The following PTPA variants were observed in gnomAD, a reference collection of about 807,000 sequenced individuals.
PTPA encodes the protein serine/threonine-protein phosphatase 2A activator.
In PTPA, 13 loss-of-function variants were observed where a neutral mutation model predicts 43.6. The observed-to-expected ratio is 0.30, with a 90% CI of 0.19 to 0.47. The LOEUF (loss-of-function observed/expected upper bound fraction) is 0.47. PTPA is among the 20% of genes least tolerant of loss of function. The pLI is 0.99. For synonymous variants in PTPA, 172 were observed against 158.2 expected (o/e 1.09, Z -0.66); for missense variants, 329 against 411.9 (o/e 0.80, Z 1.74).
chr9:129,131,774 A>G, intron 5 of PTPA, 135 bp downstream of exon 5: 2 of 860,018 alleles, frequency 2.3e-6, no homozygotes, highest in East Asian at 2.5e-5. Context: ...TATTGGGGCC[A>G]GCTGGGGTTA....
At chr9:129,145,394 C>T (rs79544932) in intron 9 of PTPA, among the ~76,000 whole-genome samples, 3,527 of 152,252 alleles carry the variant, frequency 0.023, 130 homozygotes, top group Admixed American at 0.1. Flanking sequence ...AACTTACTAG[C>T]AACTAGCCCT....
At chr9:129,129,251 A>T (rs1049990647) in intron 4 of PTPA, 141 bp downstream of exon 4, 1 of 1,232,328 alleles carries the variant, frequency 8.1e-7, no homozygotes, top group African/African-American at 1.5e-5. Context: ...TCACTTAGCA[A>T]AATTACAAAT....
intron 5 of PTPA, 108 bp downstream of exon 5, chr9:129,131,747 G>C: frequency 8.9e-7 from 1 of 1,118,746 alleles, no homozygotes; most frequent in African/African-American, 1.5e-5. Context: ...TCAAGAATTC[G>C]CCAAGCACCT....
chr9:129,131,584 G>A lies in PTPA; in HGVS notation c.405G>A (p.Val135=), dbSNP rs770993792. 1.5e-5 allele frequency: 24 copies of A among 1,614,046 alleles called. No homozygotes were observed. In the South Asian group the frequency reaches 2.4e-4, roughly 16 times the overall value. ...PTHLAAAVPE[V]AVYLKESVGN... is the part of the protein sequence containing the mutation. Reference sequence around the variant, plus strand: ...ATCTGGCAGCTGCTGTGCCTGAGGTGGCTGTTTACCTAAAGGAGTCAGTGG... The same window carrying A: ...ATCTGGCAGCTGCTGTGCCTGAGGTAGCTGTTTACCTAAAGGAGTCAGTGG... Residue 135 remains valine, a synonymous_variant, in exon 5 of 10, where the codon GTG becomes GTA. Transcript: ENST00000393370.
intron 6 of PTPA, among the ~76,000 whole-genome samples, chr9:129,135,633 C>T (rs1850316317): frequency 6.6e-6 from 1 of 152,272 alleles, no homozygotes; most frequent in African/African-American, 2.4e-5. Context: ...CCCCACACCA[C>T]CCAAGCCAGT....
intron 1 of PTPA, among the ~76,000 whole-genome samples, chr9:129,117,751 GC>G (rs1199203586): frequency 6.8e-6 from 1 of 147,598 alleles, no homozygotes; most frequent in Non-Finnish European, 1.5e-5. Context: ...AGGCTGGAGT[GC>G]AGTGGAACGG....
At chr9:129,120,439 A>AAC in intron 1 of PTPA, 74 bp from the exon 2 acceptor site, 1 of 928,460 alleles carries the variant, frequency 1.1e-6, no homozygotes, top group African/African-American at 1.7e-5. Flanking sequence ...AAAAAAAAAA[A>AAC]GGTGAAAGGG....
intron 3 of PTPA, among the ~76,000 whole-genome samples, chr9:129,124,926 C>T (rs1849480460): frequency 6.6e-6 from 1 of 152,228 alleles, no homozygotes; most frequent in Non-Finnish European, 1.5e-5. Flanking sequence ...TATTAGGTGA[C>T]CTAGGTCCTG....
In PTPA at chr9:129,143,636, G is replaced by C. The variant is rs10988228; in HGVS notation, c.894+1084G>C. The C allele has an allele frequency of 3.5e-3, 1,964 of 562,262 alleles. 28 individuals carry two copies. The highest frequency in any genetic ancestry group is 0.033 in the African/African-American group (1,748 of 53,288). The allele number at this position is 562,262 out of a possible 1,614,324, so 34.8% of individuals were successfully genotyped here. Reference sequence around the variant, plus strand: ...TAATGAGGCTTGAACTGAACAGACCGGGCCCTCACTCCCTTCCGCCCCCTC... The same window carrying C: ...TAATGAGGCTTGAACTGAACAGACCCGGCCCTCACTCCCTTCCGCCCCCTC... On this transcript the variant is annotated intron_variant, in intron 9 of 9. Coordinates refer to ENST00000393370, the MANE Select transcript of PTPA (RefSeq NM_178000.3).
Position 129,147,809 on chromosome 9 carries a change from G to A in PTPA, c.*345G>A. ...TTTTGAGAGCAGGGGCTGTTCTGCAGCACCGCAGGGAAGGGAGGAGAGATA... is the reference window on the plus strand; with the variant it reads ...TTTTGAGAGCAGGGGCTGTTCTGCAACACCGCAGGGAAGGGAGGAGAGATA... On this transcript the variant is annotated 3_prime_UTR_variant, in exon 10 of 10. Transcript: ENST00000393370. 3.2e-6 allele frequency: 1 copy of A among 307,966 alleles called. No homozygotes were observed. The highest frequency in any genetic ancestry group is 6.2e-6 in the Non-Finnish European group (1 of 160,090). 19.1% of individuals were successfully genotyped at this position (307,966 alleles called of 1,614,324 possible).
intron 1 of PTPA, among the ~76,000 whole-genome samples, chr9:129,114,214 G>C (rs1422820862): frequency 6.6e-6 from 1 of 152,126 alleles, no homozygotes; most frequent in Non-Finnish European, 1.5e-5. Context: ...GTAGAGATGG[G>C]ATTTCGCCGT....
chr9:129,131,770 G>T (rs533081664), intron 5 of PTPA, 131 bp downstream of exon 5: 2 of 876,208 alleles, frequency 2.3e-6, no homozygotes, highest in African/African-American at 3.3e-5. Context: ...AACCTATTGG[G>T]GCCAGCTGGG....
At chr9:129,143,613 A>T (rs1851064046) in intron 9 of PTPA, 1 of 607,188 alleles carries the variant, frequency 1.6e-6, no homozygotes, top group Admixed American at 2.8e-5. Flanking sequence ...GAAGGGGTTA[A>T]TGAGGCTTGA....
At chr9:129,122,466 G>A (rs1849308155) in intron 2 of PTPA, among the ~76,000 whole-genome samples, 1 of 152,218 alleles carries the variant, frequency 6.6e-6, no homozygotes, top group African/African-American at 2.4e-5. Context: ...AGAGTGTCTA[G>A]TTGAAAGCTG....
chr9:129,116,575 CG>C (rs1461653558), intron 1 of PTPA, among the ~76,000 whole-genome samples: 2 of 152,004 alleles, frequency 1.3e-5, no homozygotes, highest in Non-Finnish European at 2.9e-5. Context: ...TTAGTAGAGA[CG>C]GGGTTTCACC....
At chr9:129,125,440 CG>C (rs1286743148) in intron 3 of PTPA, among the ~76,000 whole-genome samples, 1 of 151,884 alleles carries the variant, frequency 6.6e-6, no homozygotes, top group Non-Finnish European at 1.5e-5. Context: ...TTAGTAGAGA[CG>C]GGGTTTCACC....
chr9:129,127,122 A>G (rs1006417942), intron 3 of PTPA, among the ~76,000 whole-genome samples: 10 of 152,290 alleles, frequency 6.6e-5, no homozygotes, highest in African/African-American at 1.2e-4. Flanking sequence ...GCTTTATGCC[A>G]TCCTAGCCCT....
intron 6 of PTPA, among the ~76,000 whole-genome samples, chr9:129,135,432 GAC>G (rs1489445992): frequency 1.3e-5 from 2 of 152,114 alleles, no homozygotes; most frequent in Non-Finnish European, 2.9e-5. Context: ...TGCCAGTATT[GAC>G]ACAGTGTTGA....
At chr9:129,116,307 C>T (rs1032178346) in intron 1 of PTPA, among the ~76,000 whole-genome samples, 7 of 152,002 alleles carry the variant, frequency 4.6e-5, no homozygotes, top group Non-Finnish European at 8.8e-5. Flanking sequence ...ACCTCAGCCT[C>T]CCAAGTAGCT....
Sources: allele counts gnomAD v4.1 joint callset (sites outside exome capture counted in the v4.1 genomes callset), GRCh38; gene constraint gnomAD v4.1.1; transcripts MANE v1.5; gene names NCBI Gene and HGNC (gene_info 2026-07-23, HGNC 2026-07-21).